The following RAD51B variants were observed in gnomAD, a reference collection of about 807,000 sequenced individuals.
The protein encoded by RAD51B is RAD51 paralog B, also known as DNA repair protein RAD51 homolog 2.
A neutral mutation model predicts 42.2 loss-of-function variants in RAD51B; 38 were observed. The ratio of observed to expected loss-of-function variants is 0.90; its 90% CI spans 0.70 to 1.18. The LOEUF (loss-of-function observed/expected upper bound fraction) is 1.18. RAD51B is among the 50% of genes most tolerant of loss of function. The probability of loss-of-function intolerance (pLI) is 0.00; values close to 1 mark genes in which losing one functional copy is unlikely to be tolerated. For synonymous variants in RAD51B, 154 were observed against 145.2 expected, an observed-to-expected ratio of 1.06 and a Z score of -0.43; for missense variants, 373 against 400.7, an observed-to-expected ratio of 0.93 and a Z score of 0.59.
At chr14:68,434,597 G>T (rs188015748) in intron 9 of RAD51B, among the ~76,000 whole-genome samples, 1 of 152,142 alleles carries the variant, frequency 6.6e-6, no homozygotes, top group African/African-American at 2.4e-5. Flanking sequence ...TTGGAAAAGC[G>T]CAGTATTAGG....
intron 7 of RAD51B, among the ~76,000 whole-genome samples, chr14:68,238,542 C>T (rs2080315520): frequency 6.6e-6 from 1 of 152,152 alleles, no homozygotes; most frequent in Admixed American, 6.5e-5. Context: ...TGCCCTCAAG[C>T]AATCCCCCTT....
At chr14:68,545,743 T>C (rs1371184651) in intron 10 of RAD51B, 4 of 418,960 alleles carry the variant, frequency 9.5e-6, no homozygotes, top group Non-Finnish European at 1.9e-5. Flanking sequence ...GGGCTTGGGA[T>C]TCACAGATGA....
chr14:68,316,498 TAGA>T (rs1315963662), intron 8 of RAD51B, among the ~76,000 whole-genome samples: 1 of 152,210 alleles, frequency 6.6e-6, no homozygotes, highest in African/African-American at 2.4e-5. Flanking sequence ...CAACATTAGG[TAGA>T]AGAAATGGGG....
At chr14:68,199,829 C>T (rs2079447372) in intron 7 of RAD51B, among the ~76,000 whole-genome samples, 1 of 152,190 alleles carries the variant, frequency 6.6e-6, no homozygotes, top group African/African-American at 2.4e-5. Flanking sequence ...ACCTTTGCTG[C>T]ATGGTGATAC....
chr14:67,887,322 T>C (rs146343786), intron 7 of RAD51B, 118 bp downstream of exon 7: 1 of 896,828 alleles, frequency 1.1e-6, no homozygotes, highest in Non-Finnish European at 1.7e-6. Flanking sequence ...CAGATGACTT[T>C]TTAAAGGTAG....
intron 7 of RAD51B, among the ~76,000 whole-genome samples, chr14:67,900,066 T>C (rs1432185539): frequency 2.0e-5 from 3 of 152,246 alleles, no homozygotes; most frequent in Non-Finnish European, 4.4e-5. Flanking sequence ...GGAAAGTCTC[T>C]AATTTTGCTT....
chr14:68,288,270 T>C (rs1219959620), intron 7 of RAD51B, among the ~76,000 whole-genome samples: 1 of 152,248 alleles, frequency 6.6e-6, no homozygotes, highest in Non-Finnish European at 1.5e-5. Flanking sequence ...AATGTTTTCA[T>C]TCTATCCTTT....
rs575933365 is a variant in RAD51B at position 67,913,155 on chromosome 14, C to T, written c.756+25951C>T. Among the ~76,000 whole-genome samples, 120 of 152,240 alleles carry T rather than the reference C, an allele frequency of 7.9e-4. 1 individual carries two copies. Among genetic ancestry groups the T allele is most frequent in the African/African-American group, 2.9e-3 (119 of 41,556 alleles). ...AATGCCTTTTAGTTCTTACTGAAAA[C>T]AGTTTCTTGGTAGTTATCCCCTACC... On this transcript the variant is annotated intron_variant, in intron 7 of 10. Coordinates refer to ENST00000471583, the MANE Select transcript of RAD51B (RefSeq NM_133510.4).
intron 10 of RAD51B, among the ~76,000 whole-genome samples, chr14:68,543,647 T>A (rs527958316): frequency 6.6e-6 from 1 of 152,236 alleles, no homozygotes; most frequent in Non-Finnish European, 1.5e-5. Flanking sequence ...TGATCACCCA[T>A]GTTCATATTC....
chr14:68,366,658 C>T (rs896356390), intron 8 of RAD51B, among the ~76,000 whole-genome samples: 7 of 152,144 alleles, frequency 4.6e-5, no homozygotes. Flanking sequence ...AAAATGGTAA[C>T]CAAAAATGTT....
intron 3 of RAD51B, among the ~76,000 whole-genome samples, chr14:67,828,010 C>T (rs960581550): frequency 6.6e-6 from 1 of 152,092 alleles, no homozygotes; most frequent in Non-Finnish European, 1.5e-5. Flanking sequence ...TACCTGGTAA[C>T]GGCATTGCTG....
At chr14:67,965,171 C>T (rs926524236) in intron 7 of RAD51B, among the ~76,000 whole-genome samples, 9 of 152,154 alleles carry the variant, frequency 5.9e-5, no homozygotes, top group African/African-American at 2.2e-4. Context: ...CAAACACCCT[C>T]CCTCCCTTCC....
At chr14:68,666,470 G>A (rs1338715649) in intron 11 of RAD51B, among the ~76,000 whole-genome samples, 1 of 152,190 alleles carries the variant, frequency 6.6e-6, no homozygotes, top group African/African-American at 2.4e-5. Context: ...CTATTGCTCA[G>A]GGGCACAGAC....
At chr14:67,856,421 T>C (rs2042001830) in intron 4 of RAD51B, among the ~76,000 whole-genome samples, 1 of 152,140 alleles carries the variant, frequency 6.6e-6, no homozygotes. Context: ...ATTTTAAAAA[T>C]GAATTTTGTA....
At chr14:68,180,031 C>G (rs2079032891) in intron 7 of RAD51B, among the ~76,000 whole-genome samples, 1 of 152,032 alleles carries the variant, frequency 6.6e-6, no homozygotes, top group African/African-American at 2.4e-5. Flanking sequence ...CCCTTTATTC[C>G]CCCCTTGCAT....
chr14:68,613,869 G>A (rs1462984844), downstream of RAD51B, among the ~76,000 whole-genome samples: 2 of 152,174 alleles, frequency 1.3e-5, no homozygotes, highest in Admixed American at 6.5e-5. Flanking sequence ...AGAATGACTC[G>A]ATTTTTGGAG....
At chr14:68,599,225 T>G (rs1566950476), downstream of RAD51B, among the ~76,000 whole-genome samples, 1 of 152,190 alleles carries the variant, frequency 6.6e-6, no homozygotes, top group East Asian at 1.9e-4. Context: ...AACCCCAGGC[T>G]GAGGAGGAGG....
At chr14:68,442,386 C>T (rs2085319115) in intron 9 of RAD51B, among the ~76,000 whole-genome samples, 1 of 149,774 alleles carries the variant, frequency 6.7e-6, no homozygotes, top group Non-Finnish European at 1.5e-5. Flanking sequence ...ACTGAAACTA[C>T]CTTAACAAAT....
At chr14:68,422,499 GCA>G (rs2084729987) in intron 9 of RAD51B, among the ~76,000 whole-genome samples, 1 of 145,638 alleles carries the variant, frequency 6.9e-6, no homozygotes. Flanking sequence ...GGTGGAAGTT[GCA>G]GTGAGCCAAG....
Sources: allele counts gnomAD v4.1 joint callset (sites outside exome capture counted in the v4.1 genomes callset), GRCh38; gene constraint gnomAD v4.1.1; transcripts MANE v1.5; gene names NCBI Gene and HGNC (gene_info 2026-07-23, HGNC 2026-07-21).